Variants in TBCC observed in about 807,000 individuals in gnomAD.
TBCC encodes the protein tubulin folding cofactor C.
A neutral mutation model predicts 25.3 loss-of-function variants in TBCC; 25 were observed. The observed-to-expected ratio is 0.99, with a 90% CI of 0.72 to 1.38. The LOEUF (loss-of-function observed/expected upper bound fraction) is 1.38, where lower values mean the gene tolerates loss of function less well. Among genes scored for constraint, TBCC ranks in the 40% most tolerant of loss-of-function variants. TBCC has a pLI of 0.00. For missense variants in TBCC, 507 were observed against 447.2 expected (o/e 1.13, Z -1.21); for synonymous variants, 226 against 192.8 (o/e 1.17, Z -1.43).
At position 42,745,850 on chromosome 6, in the gene TBCC, A is replaced by G. The variant is rs1453648455; in HGVS notation, c.224T>C (p.Leu75Pro). Residue 75 changes from leucine to proline, a missense_variant, in exon 1 of 1, where the codon CTG (leucine) becomes CCG (proline). Transcript: ENST00000372876. The surrounding 1 kb of genome is among the most constrained non-coding windows in gnomAD (Gnocchi z 4.2). ...CCGCTCGACCGACTCCGCGCGCTCC[A>G]GAAGCTCTTCCACGGCCGCTCGCTC... Reference protein sequence around the residue: ...VRERAAVEELLERAESVERLE... With the variant: ...VRERAAVEELPERAESVERLE... 6.2e-7 allele frequency: 1 copy of G among 1,613,618 alleles called. No individual in the cohort carries two copies. The highest frequency in any genetic ancestry group is 2.2e-5 in the East Asian group (1 of 44,878).
In TBCC at chr6:42,745,101, C is replaced by A. The variant is rs1582791522; in HGVS notation, c.973G>T (p.Ala325Ser). ...WNDVDDFNWL[A>S]RDMASPNWSI... ...CAGTTTGGGGAGGCCATATCCCGGGCCAGCCAGTTAAAATCGTCAACATCG... is the reference window on the plus strand; with the variant it reads ...CAGTTTGGGGAGGCCATATCCCGGGACAGCCAGTTAAAATCGTCAACATCG... Residue 325 changes from alanine to serine, a missense_variant, in exon 1 of 1, where the codon GCC becomes TCC. Physicochemically the swap from Ala to Ser is moderately conservative, Grantham distance 99 (BLOSUM62 1). Coordinates refer to ENST00000372876, the MANE Select transcript of TBCC (RefSeq NM_003192.3). This position sits in a 1 kb window ranked among gnomAD's most constrained non-coding sequence, Gnocchi z 4.2. 6.2e-7 allele frequency: 1 copy of A among 1,614,064 alleles called. No homozygotes were observed. Among genetic ancestry groups the A allele is most frequent in the African/African-American group, 1.3e-5 (1 of 74,904 alleles).
chr6:42,745,402 G>T lies in TBCC; in HGVS notation c.672C>A (p.Thr224=), dbSNP rs376520126. Residue 224 remains threonine, a synonymous_variant, in exon 1 of 1, where the codon ACC becomes ACA. Coordinates refer to ENST00000372876, the MANE Select transcript of TBCC (RefSeq NM_003192.3). This position sits in a 1 kb window ranked among gnomAD's most constrained non-coding sequence, Gnocchi z 4.2. ...AGCTGTGGGCCTTGGTTAGCCGCAG[G>T]GTGTTGGGATTTCCATACAGTCTGA... ...CTVRLYGNPN[T]LRLTKAHSCK... 41 of 1,614,218 alleles carry T rather than the reference G, an allele frequency of 2.5e-5. No individual in the cohort carries two copies. The highest frequency in any genetic ancestry group is 3.3e-4 in the Middle Eastern group (2 of 6,062).
rs759656691 is a variant in TBCC, at chr6:42,745,963, C to A, written c.111G>T (p.Gln37His). The A allele has an allele frequency of 6.2e-7, 1 of 1,614,260 alleles. No individual in the cohort carries two copies. The highest frequency in any genetic ancestry group is 1.1e-5 in the South Asian group (1 of 91,092). The change falls in exon 1 of 1, where the codon CAG becomes CAT. Residue 37 changes from glutamine to histidine, a missense_variant. Coordinates refer to ENST00000372876, the MANE Select transcript of TBCC (RefSeq NM_003192.3). This position sits in a 1 kb window ranked among gnomAD's most constrained non-coding sequence, Gnocchi z 4.2. ...TTTGTTTCCGCCTTTCAACTTCCAG[C>A]TGCCGTTCTTGTTCGCGTCTCTGAA... ...ERLQRREQER[Q>H]LEVERRKQKR...
In TBCC at chr6:42,745,868, G is replaced by A. The variant is rs1384497110; in HGVS notation, c.206C>T (p.Ala69Val). The A allele has an allele frequency of 6.2e-7, 1 of 1,613,788 alleles. No homozygotes were observed. The highest frequency in any genetic ancestry group is 8.5e-7 in the Non-Finnish European group (1 of 1,180,016). Residue 69 changes from alanine to valine, a missense_variant, in exon 1 of 1, where the codon GCG (alanine) becomes GTG (valine). Ala to Val is a moderately conservative substitution (Grantham distance 64, BLOSUM62 0). Transcript: ENST00000372876. This position sits in a 1 kb window ranked among gnomAD's most constrained non-coding sequence, Gnocchi z 4.2. ...GCGCTCCAGAAGCTCTTCCACGGCC[G>A]CTCGCTCCCGAACAAAGGTGGCGAC... ...FFVATFVRER[A>V]AVEELLERAE... is the part of the protein sequence containing the mutation.
chr6:42,744,551 A>C lies in TBCC; in HGVS notation c.*482T>G, dbSNP rs1210286141. 1 of 153,410 alleles carries C rather than the reference A, an allele frequency of 6.5e-6. No homozygotes were observed. The highest frequency in any genetic ancestry group is 1.5e-5 in the Non-Finnish European group (1 of 68,896). The allele number at this position is 153,410 out of a possible 1,614,324, so 9.5% of individuals were successfully genotyped here. A position where few individuals can be genotyped will look rare whatever the true frequency, so the allele number is the denominator to read the frequency against. On this transcript the variant is annotated 3_prime_UTR_variant, in exon 1 of 1. Coordinates refer to ENST00000372876, the MANE Select transcript of TBCC (RefSeq NM_003192.3). Reference sequence around the variant, plus strand: ...CGTGATGTTTCAAGTATCACAAACCATTACAAAGCAATATAATCACCCTCC... The same window carrying C: ...CGTGATGTTTCAAGTATCACAAACCCTTACAAAGCAATATAATCACCCTCC...
rs1395048613 is a variant in TBCC, at chr6:42,745,599, G to T, written c.475C>A (p.Pro159Thr). The T allele has an allele frequency of 1.2e-6, 2 of 1,611,584 alleles. No individual in the cohort carries two copies. The highest frequency in any genetic ancestry group is 1.7e-6 in the Non-Finnish European group (2 of 1,178,310). The stretch of plus-strand genomic sequence containing the variant: ...TCCTGTATGCTTTCAACTGCCGGGG[G>T]GATGCCAGGAGCCGCGTCTACTTTG... ...STKVDAAPGIPPAVESIQDSP... is the reference protein window; with the variant it reads ...STKVDAAPGITPAVESIQDSP... The change falls in exon 1 of 1, where the codon CCC (proline) becomes ACC (threonine). Residue 159 changes from proline to threonine, a missense_variant. Physicochemically the swap from Pro to Thr is conservative, Grantham distance 38. Coordinates refer to ENST00000372876, the MANE Select transcript of TBCC (RefSeq NM_003192.3). The surrounding 1 kb of genome is among the most constrained non-coding windows in gnomAD (Gnocchi z 4.2).
rs780575296 is a variant in TBCC at position 42,745,352 on chromosome 6, G to A, written c.722C>T (p.Ser241Phe). Residue 241 changes from serine (S) to phenylalanine (F), a missense_variant, in exon 1 of 1, where the codon TCT (serine) becomes TTT (phenylalanine). Physicochemically the swap from Ser to Phe is radical, Grantham distance 155. Coordinates refer to ENST00000372876, the MANE Select transcript of TBCC (RefSeq NM_003192.3). This position sits in a 1 kb window ranked among gnomAD's most constrained non-coding sequence, Gnocchi z 4.2. ...HSCKLLCGPVSTSVFLEDCSD... is the reference protein window; with the variant it reads ...HSCKLLCGPVFTSVFLEDCSD... ...GCAGTCCTCCAGGAAAACAGAGGTAGACACCGGACCGCAGAGCAGCTTGCA... is the reference window on the plus strand; with the variant it reads ...GCAGTCCTCCAGGAAAACAGAGGTAAACACCGGACCGCAGAGCAGCTTGCA... The A allele has an allele frequency of 6.2e-7, 1 of 1,614,240 alleles. No homozygotes were observed. Among genetic ancestry groups the A allele is most frequent in the Non-Finnish European group, 8.5e-7 (1 of 1,180,030 alleles).
Position 42,746,058 on chromosome 6 carries a change from A to G in TBCC, c.16T>C (p.Cys6Arg), listed in dbSNP as rs1341338336. 1 of 1,613,110 alleles carries G rather than the reference A, an allele frequency of 6.2e-7. No individual in the cohort carries two copies. The highest frequency in any genetic ancestry group is 1.7e-5 in the Admixed American group (1 of 59,946). Residue 6 changes from cysteine (C) to arginine (R), a missense_variant, in exon 1 of 1, where the codon TGC (cysteine) becomes CGC (arginine). Cys to Arg is a radical substitution (Grantham distance 180). Transcript: ENST00000372876. Reference protein sequence around the residue: MESVSCSAAAVRTGDM... With the variant: MESVSRSAAAVRTGDM... ...CCGGTCCTGACAGCAGCAGCGGAGCAACTGACGGACTCCATATTGGCTTCA... is the reference window on the plus strand; with the variant it reads ...CCGGTCCTGACAGCAGCAGCGGAGCGACTGACGGACTCCATATTGGCTTCA...
rs1762255421 is a variant in TBCC, at chr6:42,745,729, C to G, written c.345G>C (p.Glu115Asp). 6.2e-7 allele frequency: 1 copy of G among 1,613,776 alleles called. No individual in the cohort carries two copies. The highest frequency in any genetic ancestry group is 8.5e-7 in the Non-Finnish European group (1 of 1,179,928). The change falls in exon 1 of 1, where the codon GAG becomes GAC. Residue 115 changes from glutamate to aspartate, a missense_variant. Transcript: ENST00000372876. The surrounding 1 kb of genome is among the most constrained non-coding windows in gnomAD (Gnocchi z 4.2). ...AGGCCGCCTGCAGCCGCGCCAGCGC[C>G]TCTTGTCCCTGCCGCAGGTCGTAAG... is the stretch of plus-strand genomic sequence containing the variant. ...LAAYDLRQGQ[E>D]ALARLQAALA...
At position 42,745,736 on chromosome 6, in the gene TBCC, C is replaced by T; in HGVS notation, c.338G>A (p.Gly113Glu). 1 of 1,613,860 alleles carries T rather than the reference C, an allele frequency of 6.2e-7. No individual in the cohort carries two copies. Among genetic ancestry groups the T allele is most frequent in the Non-Finnish European group, 8.5e-7 (1 of 1,179,948 alleles). Residue 113 changes from glycine to glutamate, a missense_variant, in exon 1 of 1, where the codon GGA becomes GAA. Gly to Glu is a moderately conservative substitution (Grantham distance 98). Coordinates refer to ENST00000372876, the MANE Select transcript of TBCC (RefSeq NM_003192.3). This position sits in a 1 kb window ranked among gnomAD's most constrained non-coding sequence, Gnocchi z 4.2. Reference sequence around the variant, plus strand: ...CTGCAGCCGCGCCAGCGCCTCTTGTCCCTGCCGCAGGTCGTAAGCGGCTAG... The same window carrying T: ...CTGCAGCCGCGCCAGCGCCTCTTGTTCCTGCCGCAGGTCGTAAGCGGCTAG... ...FFLAAYDLRQ[G>E]QEALARLQAA... is the part of the protein sequence containing the mutation.
chr6:42,745,758 C>G lies in TBCC; in HGVS notation c.316G>C (p.Ala106Pro), dbSNP rs1196943935. 6.2e-7 allele frequency: 1 copy of G among 1,613,930 alleles called. No individual in the cohort carries two copies. The highest frequency in any genetic ancestry group is 1.1e-5 in the South Asian group (1 of 91,088). ...TGTCCCTGCCGCAGGTCGTAAGCGG[C>G]TAGGAAAAAAACTGAGTCGTTGATT... Reference protein sequence around the residue: ...KLINDSVFFLAAYDLRQGQEA... With the variant: ...KLINDSVFFLPAYDLRQGQEA... Residue 106 changes from alanine to proline, a missense_variant, in exon 1 of 1, where the codon GCC becomes CCC. By Grantham distance (27) the Ala-to-Pro change is conservative. Transcript: ENST00000372876. The surrounding 1 kb of genome is among the most constrained non-coding windows in gnomAD (Gnocchi z 4.2).
rs756986479 is a variant in TBCC, at chr6:42,745,448, G to A, written c.626C>T (p.Thr209Ile). Residue 209 changes from threonine (T) to isoleucine (I), a missense_variant, in exon 1 of 1, where the codon ACC becomes ATC. Thr to Ile is a moderately conservative substitution (Grantham distance 89). Transcript: ENST00000372876. The surrounding 1 kb of genome is among the most constrained non-coding windows in gnomAD (Gnocchi z 4.2). ...SELHQRDVLL[T>I]ELSNCTVRLY... ...TCTGACCGTGCAGTTGCTCAGTTCG[G>A]TCAAAAGAACGTCGCGCTGGTGCAA... The A allele has an allele frequency of 6.2e-7, 1 of 1,613,964 alleles. No homozygotes were observed.
In TBCC at chr6:42,745,487, T is replaced by C. The variant is rs747041669; in HGVS notation, c.587A>G (p.Lys196Arg). ...GCGCTGGTGCAACTCGCTGGCTCTC[T>C]TCTCCAAGACTTGGGACTCCAGGTT... ...FSNLESQVLE[K>R]RASELHQRDV... is the part of the protein sequence containing the mutation. Residue 196 changes from lysine (K) to arginine (R), a missense_variant, in exon 1 of 1, where the codon AAG becomes AGG. Transcript: ENST00000372876. This position sits in a 1 kb window ranked among gnomAD's most constrained non-coding sequence, Gnocchi z 4.2. The C allele has an allele frequency of 1.2e-6, 2 of 1,612,578 alleles. No homozygotes were observed. Among genetic ancestry groups the C allele is most frequent in the Admixed American group, 1.7e-5 (1 of 59,590 alleles).
chr6:42,745,668 G>A lies in TBCC; in HGVS notation c.406C>T (p.Arg136Cys). ...TTTCCCCGGGTCTTGAAAGCGAAAC[G>A]CTTCTTGGGCTGCAGCCCCCGGCGC... The part of the protein sequence containing the change: ...ERRRGLQPKK[R>C]FAFKTRGKDA... The change falls in exon 1 of 1, where the codon CGT becomes TGT. Residue 136 changes from arginine to cysteine, a missense_variant. Coordinates refer to ENST00000372876, the MANE Select transcript of TBCC (RefSeq NM_003192.3). This position sits in a 1 kb window ranked among gnomAD's most constrained non-coding sequence, Gnocchi z 4.2. 1.2e-6 allele frequency: 2 copies of A among 1,611,462 alleles called. No individual in the cohort carries two copies. The highest frequency in any genetic ancestry group is 1.7e-6 in the Non-Finnish European group (2 of 1,178,958).
In TBCC at chr6:42,745,183, C is replaced by T; in HGVS notation, c.891G>A (p.Pro297=). 1 of 1,614,196 alleles carries T rather than the reference C, an allele frequency of 6.2e-7. No homozygotes were observed. The highest frequency in any genetic ancestry group is 8.5e-7 in the Non-Finnish European group (1 of 1,180,038). ...IQFAPYTWSY[P]EIDKDFESSG... is the part of the protein sequence containing the mutation. The stretch of plus-strand genomic sequence containing the variant: ...AGCTCTCGAAGTCCTTGTCGATCTC[C>T]GGGTAGCTCCAGGTGTAAGGGGCGA... The change falls in exon 1 of 1, where the codon CCG becomes CCA. Residue 297 remains proline, a synonymous_variant. Transcript: ENST00000372876. The surrounding 1 kb of genome is among the most constrained non-coding windows in gnomAD (Gnocchi z 4.2).
At position 42,745,412 on chromosome 6, in the gene TBCC, T is replaced by C; in HGVS notation, c.662A>G (p.Asn221Ser). The C allele has an allele frequency of 6.2e-7, 1 of 1,614,168 alleles. No individual in the cohort carries two copies. The highest frequency in any genetic ancestry group is 8.5e-7 in the Non-Finnish European group (1 of 1,180,034). The stretch of plus-strand genomic sequence containing the variant: ...CTTGGTTAGCCGCAGGGTGTTGGGA[T>C]TTCCATACAGTCTGACCGTGCAGTT... ...LSNCTVRLYG[N>S]PNTLRLTKAH... Residue 221 changes from asparagine (N) to serine (S), a missense_variant, in exon 1 of 1, where the codon AAT becomes AGT. By Grantham distance (46) the Asn-to-Ser change is conservative (BLOSUM62 1). Coordinates refer to ENST00000372876, the MANE Select transcript of TBCC (RefSeq NM_003192.3). The surrounding 1 kb of genome is among the most constrained non-coding windows in gnomAD (Gnocchi z 4.2).
chr6:42,745,932 G>A lies in TBCC; in HGVS notation c.142C>T (p.Gln48Ter), dbSNP rs1363445634. Residue 48 changes from glutamine to a stop codon, truncating the protein, a stop_gained, in exon 1 of 1, where the codon CAG (glutamine) becomes TAG (stop). Transcript: ENST00000372876. LOFTEE classifies it high-confidence loss of function. The surrounding 1 kb of genome is among the most constrained non-coding windows in gnomAD (Gnocchi z 4.2). Reference protein sequence around the residue: ...LEVERRKQKRQNQEVEKENSH... With the variant: ...LEVERRKQKR Reference sequence around the variant, plus strand: ...TTCTCCTTCTCTACCTCCTGGTTCTGCCGCTTTTGTTTCCGCCTTTCAACT... The same window carrying A: ...TTCTCCTTCTCTACCTCCTGGTTCTACCGCTTTTGTTTCCGCCTTTCAACT... 6.2e-7 allele frequency: 1 copy of A among 1,614,196 alleles called. No individual in the cohort carries two copies. The highest frequency in any genetic ancestry group is 8.5e-7 in the Non-Finnish European group (1 of 1,180,050).
In TBCC at chr6:42,745,734, G is replaced by C. The variant is rs750552163; in HGVS notation, c.340C>G (p.Gln114Glu). Residue 114 changes from glutamine to glutamate, a missense_variant, in exon 1 of 1, where the codon CAA becomes GAA. By Grantham distance (29) the Gln-to-Glu change is conservative (BLOSUM62 2). Coordinates refer to ENST00000372876, the MANE Select transcript of TBCC (RefSeq NM_003192.3). This position sits in a 1 kb window ranked among gnomAD's most constrained non-coding sequence, Gnocchi z 4.2. ...GCCTGCAGCCGCGCCAGCGCCTCTT[G>C]TCCCTGCCGCAGGTCGTAAGCGGCT... is the stretch of plus-strand genomic sequence containing the variant. ...FLAAYDLRQG[Q>E]EALARLQAAL... 1.2e-6 allele frequency: 2 copies of C among 1,613,812 alleles called. No individual in the cohort carries two copies. The highest frequency in any genetic ancestry group is 2.2e-5 in the East Asian group (1 of 44,876).
At position 42,745,418 on chromosome 6, in the gene TBCC, TAC is replaced by T. The variant is rs1306893988; in HGVS notation, c.654_655del (p.Tyr219TrpfsTer32). ...TAGCCGCAGGGTGTTGGGATTTCCA[TAC>T]AGTCTGACCGTGCAGTTGCTCAGTT... On this transcript the variant is annotated frameshift_variant, in exon 1 of 1. Transcript: ENST00000372876. LOFTEE classifies it high-confidence loss of function. This position sits in a 1 kb window ranked among gnomAD's most constrained non-coding sequence, Gnocchi z 4.2. 1.2e-6 allele frequency: 2 copies of T among 1,614,086 alleles called. No individual in the cohort carries two copies. The highest frequency in any genetic ancestry group is 1.7e-5 in the Admixed American group (1 of 59,996).
Sources: gnomAD v4.1 joint callset for allele counts on GRCh38, gnomAD v4.1.1 for gene constraint, Gnocchi (gnomAD v3.1) non-coding constraint, MANE v1.5 for transcripts, NCBI Gene and HGNC (gene_info 2026-07-23, HGNC 2026-07-21) for gene names.